RUNX2: variants seen among roughly 807,000 people sequenced by gnomAD.
RUNX2 encodes RUNX family transcription factor 2, also known as runt-related transcription factor 2.
A neutral mutation model predicts 51.7 loss-of-function variants in RUNX2; 10 were observed. The ratio of observed to expected loss-of-function variants is 0.19; its 90% CI spans 0.12 to 0.33. The LOEUF (loss-of-function observed/expected upper bound fraction) is 0.33. Ranked by LOEUF, RUNX2 falls within the 10% of genes least tolerant of loss-of-function variation. RUNX2 has a pLI of 1.00. For synonymous variants in RUNX2, 276 were observed against 273.6 expected (o/e 1.01, Z -0.09); for missense variants, 562 against 691.3 (o/e 0.81, Z 2.10).
intron 5 of RUNX2, among the ~76,000 whole-genome samples, chr6:45,463,037 CCAG>C: frequency 6.6e-6 from 1 of 152,300 alleles, no homozygotes; most frequent in South Asian, 2.1e-4. Context: ...CCTTTACAGA[CCAG>C]CAGCCACTTG....
At chr6:45,419,154 A>C (rs781537138) in intron 2 of RUNX2, among the ~76,000 whole-genome samples, 1 of 152,228 alleles carries the variant, frequency 6.6e-6, no homozygotes, top group Non-Finnish European at 1.5e-5. Flanking sequence ...CTGGTGGTCC[A>C]TATTTGAAAT....
At chr6:45,492,833 C>T in intron 6 of RUNX2, among the ~76,000 whole-genome samples, 1 of 152,114 alleles carries the variant, frequency 6.6e-6, no homozygotes, top group Non-Finnish European at 1.5e-5. Flanking sequence ...GCTTTTAGGT[C>T]ATGATGACAA....
At chr6:45,450,335 C>A (rs1206561564) in intron 5 of RUNX2, among the ~76,000 whole-genome samples, 3 of 152,116 alleles carry the variant, frequency 2.0e-5, no homozygotes, top group Non-Finnish European at 1.5e-5. Context: ...GCTGACAGAG[C>A]CTTTTTTTTG....
intron 2 of RUNX2, among the ~76,000 whole-genome samples, chr6:45,330,727 T>C (rs1018592368): frequency 6.6e-6 from 1 of 151,904 alleles, no homozygotes; most frequent in African/African-American, 2.4e-5. Context: ...ACCTTTTTTT[T>C]TTCCAACATT....
intron 5 of RUNX2, among the ~76,000 whole-genome samples, chr6:45,451,728 A>G (rs1799176462): frequency 6.6e-6 from 1 of 152,238 alleles, no homozygotes; most frequent in Non-Finnish European, 1.5e-5. Context: ...CTTCTTGACT[A>G]TAAGAATTGT....
chr6:45,395,455 A>G (rs553379121), intron 2 of RUNX2, among the ~76,000 whole-genome samples: 2 of 152,362 alleles, frequency 1.3e-5, no homozygotes, highest in South Asian at 2.1e-4. Context: ...TACTGAACCC[A>G]TATGAGCTCA....
At chr6:45,492,239 A>G in intron 6 of RUNX2, 125 bp downstream of exon 6, 1 of 804,440 alleles carries the variant, frequency 1.2e-6, no homozygotes, top group South Asian at 1.5e-5. Flanking sequence ...TAAAGAATCA[A>G]GACTTGAAGA....
chr6:45,510,108 G>T (rs1801097509), intron 6 of RUNX2, among the ~76,000 whole-genome samples: 1 of 152,182 alleles, frequency 6.6e-6, no homozygotes, highest in African/African-American at 2.4e-5. Flanking sequence ...CATTAATGGT[G>T]TAAGGCAAGG....
intron 2 of RUNX2, among the ~76,000 whole-genome samples, chr6:45,367,093 T>C (rs1478344461): frequency 6.6e-6 from 1 of 152,122 alleles, no homozygotes; most frequent in African/African-American, 2.4e-5. Context: ...CTGATGGAGA[T>C]AGGCTTTATT....
rs141105331 is a variant in RUNX2, at chr6:45,492,148, C to G, written c.859+34C>G. ...GACTCATAGGTTTCACTTGCATAGA[C>G]GCTGGCAGGCTGGGGGTGAGGGGCT... is the stretch of plus-strand genomic sequence containing the variant. On this transcript the variant is annotated intron_variant, in intron 6 of 8. Transcript: ENST00000647337. The G allele has an allele frequency of 2.8e-4, 449 of 1,609,222 alleles. No individual in the cohort carries two copies. The African/African-American group carries it at 5.2e-3, about 19-fold the overall frequency.
intron 2 of RUNX2, among the ~76,000 whole-genome samples, chr6:45,344,734 A>C (rs1199907378): frequency 6.6e-6 from 1 of 152,142 alleles, no homozygotes; most frequent in Non-Finnish European, 1.5e-5. Context: ...AAAAATCCTA[A>C]ATATGAAAGG....
At chr6:45,450,433 G>C (rs770334302) in intron 5 of RUNX2, among the ~76,000 whole-genome samples, 1 of 152,192 alleles carries the variant, frequency 6.6e-6, no homozygotes, top group Non-Finnish European at 1.5e-5. Context: ...AGTGCTTACT[G>C]TTAGCCAGGT....
chr6:45,335,061 T>A (rs907461052), intron 2 of RUNX2, among the ~76,000 whole-genome samples: 6 of 151,270 alleles, frequency 4.0e-5, no homozygotes, highest in Non-Finnish European at 7.4e-5. Context: ...ATAAATATTA[T>A]CTCAAAGAAC....
chr6:45,373,545 T>TTGTGTG (rs368652949), intron 2 of RUNX2, among the ~76,000 whole-genome samples: 8 of 150,192 alleles, frequency 5.3e-5, no homozygotes, highest in African/African-American at 9.8e-5. Context: ...AAAATATTAT[T>TTGTGTG]TGTGTGTGTG....
intron 5 of RUNX2, among the ~76,000 whole-genome samples, chr6:45,485,716 T>TATATATATATATATATATATAC (rs1554394671): frequency 4.7e-4 from 60 of 126,420 alleles, no homozygotes; most frequent in Admixed American, 6.8e-4. Flanking sequence ...TATATATATA[T>TATATATATATATATATATATAC]ACACATATTT....
chr6:45,472,462 T>C (rs181822723), intron 5 of RUNX2, among the ~76,000 whole-genome samples: 3 of 152,330 alleles, frequency 2.0e-5, no homozygotes, highest in Admixed American at 6.5e-5. Flanking sequence ...GCTTTCGATA[T>C]GTTCTGCAGG....
chr6:45,353,482 A>G (rs1237511135), intron 2 of RUNX2, among the ~76,000 whole-genome samples: 2 of 152,098 alleles, frequency 1.3e-5, no homozygotes, highest in African/African-American at 4.8e-5. Context: ...AAAGTTTAAA[A>G]TAATTTATTA....
chr6:45,470,513 G>A (rs1331969610), intron 5 of RUNX2, among the ~76,000 whole-genome samples: 1 of 152,200 alleles, frequency 6.6e-6, no homozygotes, highest in Non-Finnish European at 1.5e-5. Context: ...ACAAAGAAGT[G>A]TATGATAAAT....
At chr6:45,337,829 C>T (rs978091385) in intron 2 of RUNX2, among the ~76,000 whole-genome samples, 1 of 151,556 alleles carries the variant, frequency 6.6e-6, no homozygotes, top group South Asian at 2.1e-4. Flanking sequence ...ATTCTTTTTG[C>T]GAAAACTCAC....
Sources: gnomAD v4.1 joint callset for allele counts (sites outside exome capture counted in the v4.1 genomes callset) on GRCh38, gnomAD v4.1.1 for gene constraint, MANE v1.5 for transcripts, NCBI Gene and HGNC (gene_info 2026-07-23, HGNC 2026-07-21) for gene names.